MRAS: variants seen among roughly 807,000 people sequenced by gnomAD.
MRAS encodes ras-related protein M-Ras.
A neutral mutation model predicts 20.9 loss-of-function variants in MRAS; 4 were observed. That is an observed-to-expected ratio of 0.19 (90% CI 0.09 to 0.44). The LOEUF is 0.44. Among genes scored for constraint, MRAS ranks in the 20% least tolerant of loss-of-function variants. MRAS has a pLI of 0.99. For synonymous variants in MRAS, 98 were observed against 102.9 expected, an observed-to-expected ratio of 0.95 and a Z score of 0.29; for missense variants, 154 against 277.5, an observed-to-expected ratio of 0.56 and a Z score of 3.16.
chr3:138,396,807 GCC>G (rs2055245967), intron 2 of MRAS, among the ~76,000 whole-genome samples: 1 of 152,106 alleles, frequency 6.6e-6, no homozygotes, highest in Non-Finnish European at 1.5e-5. Flanking sequence ...TGCCCAGATG[GCC>G]TCTTCAGGGC....
At chr3:138,395,780 G>A (rs538237893) in intron 2 of MRAS, among the ~76,000 whole-genome samples, 5 of 152,316 alleles carry the variant, frequency 3.3e-5, no homozygotes, top group East Asian at 3.9e-4. Flanking sequence ...GGTCTCATTC[G>A]CCTTCTGTCC....
intron 1 of MRAS, among the ~76,000 whole-genome samples, chr3:138,361,422 G>T (rs954590660): frequency 6.6e-6 from 1 of 152,212 alleles, no homozygotes; most frequent in African/African-American, 2.4e-5. Context: ...TGCTCAGGCC[G>T]GGGGCAGACA....
At chr3:138,385,903 C>T (rs1481678159) in intron 2 of MRAS, among the ~76,000 whole-genome samples, 1 of 152,128 alleles carries the variant, frequency 6.6e-6, no homozygotes, top group African/African-American at 2.4e-5. Flanking sequence ...GATGAAGGAA[C>T]AACAGTTTTA....
intron 2 of MRAS, among the ~76,000 whole-genome samples, chr3:138,395,609 G>T (rs1290818230): frequency 6.6e-6 from 1 of 152,144 alleles, no homozygotes; most frequent in Non-Finnish European, 1.5e-5. Flanking sequence ...TTCTGATATT[G>T]GTCCTCCTTC....
At chr3:138,385,763 C>T (rs2054999242) in intron 2 of MRAS, among the ~76,000 whole-genome samples, 1 of 152,122 alleles carries the variant, frequency 6.6e-6, no homozygotes, top group Non-Finnish European at 1.5e-5. Flanking sequence ...AATCCACCTG[C>T]CTTGGCCTCC....
At chr3:138,395,745 G>T (rs2055223061) in intron 2 of MRAS, among the ~76,000 whole-genome samples, 1 of 152,180 alleles carries the variant, frequency 6.6e-6, no homozygotes, top group Admixed American at 6.5e-5. Context: ...CTTCTAGATG[G>T]TGAGTCCCAT....
intron 2 of MRAS, among the ~76,000 whole-genome samples, chr3:138,392,652 A>T (rs983938107): frequency 1.2e-4 from 19 of 152,016 alleles, no homozygotes; most frequent in African/African-American, 3.6e-4. Context: ...TGTTTTGTAG[A>T]TGCATTTCTT....
chr3:138,362,057 G>C (rs1277497243), intron 1 of MRAS, among the ~76,000 whole-genome samples: 3 of 152,212 alleles, frequency 2.0e-5, no homozygotes, highest in African/African-American at 4.8e-5. Context: ...GTTGTTGGTT[G>C]CTGGGCAGGG....
In MRAS at chr3:138,398,363, G is replaced by A. The variant is rs1288966890; in HGVS notation, c.348-106G>A. The A allele has an allele frequency of 6.9e-6, 6 of 866,648 alleles. No individual in the cohort carries two copies. In the East Asian group the frequency reaches 7.3e-5, roughly 11 times the overall value. The allele number at this position is 866,648 out of a possible 1,614,324, so 53.7% of individuals were successfully genotyped here. On this transcript the variant is annotated intron_variant, in intron 3 of 5. Transcript: ENST00000423968. ...GACTGCAGTCCAGGCTGACTGGGGA[G>A]GTGCTGTGGGCTGGCTGTGCTATGC... is the stretch of plus-strand genomic sequence containing the variant.
chr3:138,399,142 C>T (rs1483638466), intron 4 of MRAS, among the ~76,000 whole-genome samples: 2 of 152,222 alleles, frequency 1.3e-5, no homozygotes, highest in Non-Finnish European at 2.9e-5. Context: ...GAAAGTGTGC[C>T]CAGTTCAAAC....
Position 138,365,718 on chromosome 3 carries a change from A to G in MRAS, c.-18-7148A>G, listed in dbSNP as rs141580847. On this transcript the variant is annotated intron_variant, in intron 1 of 5. Coordinates refer to ENST00000423968, the MANE Select transcript of MRAS (RefSeq NM_001085049.3). The stretch of plus-strand genomic sequence containing the variant: ...ATATTTTGGAGGGAACCAGAAAGGT[A>G]GTAGTTAGATCTGGGGCAGCAAACA... Among the ~76,000 whole-genome samples, 486 of 152,340 alleles carry G rather than the reference A, an allele frequency of 3.2e-3. 6 individuals are homozygous for G. The highest frequency in any genetic ancestry group is 0.011 in the African/African-American group (460 of 41,570).
intron 2 of MRAS, among the ~76,000 whole-genome samples, chr3:138,383,933 T>C (rs1576371854): frequency 1.3e-5 from 2 of 152,292 alleles, no homozygotes; most frequent in Middle Eastern, 6.8e-3. Flanking sequence ...AAGGAGGGCT[T>C]TCCTGATAAG....
rs2055439637 is a variant in MRAS, at chr3:138,405,448, A to C, written c.*3179A>C. The C allele has an allele frequency of 2.0e-5, 3 of 152,720 alleles. No individual in the cohort carries two copies. Among genetic ancestry groups the C allele is most frequent in the Admixed American group, 2.0e-4 (3 of 15,288 alleles). 9.5% of individuals were successfully genotyped at this position (152,720 alleles called of 1,614,324 possible). On this transcript the variant is annotated 3_prime_UTR_variant, in exon 6 of 6. Coordinates refer to ENST00000423968, the MANE Select transcript of MRAS (RefSeq NM_001085049.3). Reference sequence around the variant, plus strand: ...ATTGTCGTGAAACGAGTGATGCCTGAAGATCTCAGTGATGTTTGAACCTTC... The same window carrying C: ...ATTGTCGTGAAACGAGTGATGCCTGCAGATCTCAGTGATGTTTGAACCTTC...
intron 1 of MRAS, among the ~76,000 whole-genome samples, chr3:138,354,937 T>C (rs967439873): frequency 1.3e-5 from 2 of 152,012 alleles, no homozygotes; most frequent in Non-Finnish European, 2.9e-5. Flanking sequence ...TGTGCCACCA[T>C]GCCCATCTAA....
chr3:138,351,661 G>A (rs535882361), intron 1 of MRAS, among the ~76,000 whole-genome samples: 2 of 152,176 alleles, frequency 1.3e-5, no homozygotes, highest in Non-Finnish European at 2.9e-5. Context: ...ATTAAGCAGA[G>A]CTCAGATCTC....
At chr3:138,381,898 A>G (rs1232585617) in intron 2 of MRAS, among the ~76,000 whole-genome samples, 1 of 152,206 alleles carries the variant, frequency 6.6e-6, no homozygotes, top group Non-Finnish European at 1.5e-5. Flanking sequence ...TTTGAAGGGC[A>G]GGGAGAGGAA....
intron 1 of MRAS, among the ~76,000 whole-genome samples, chr3:138,368,908 C>T (rs576362670): frequency 3.1e-4 from 47 of 151,972 alleles, no homozygotes; most frequent in African/African-American, 9.9e-4. Flanking sequence ...TGGGGGGGGC[C>T]GGAGAAACAT....
At chr3:138,353,413 G>A (rs2054268062) in intron 1 of MRAS, among the ~76,000 whole-genome samples, 1 of 152,128 alleles carries the variant, frequency 6.6e-6, no homozygotes. Flanking sequence ...CAGCCCATTA[G>A]GGGTGTGTCT....
intron 1 of MRAS, among the ~76,000 whole-genome samples, chr3:138,353,449 GAC>G (rs1482110352): frequency 1.3e-5 from 2 of 152,110 alleles, no homozygotes; most frequent in African/African-American, 4.8e-5. Context: ...CCCTTCTAGA[GAC>G]ACAGTGTCTC....
Sources: gnomAD v4.1 joint callset for allele counts (sites outside exome capture counted in the v4.1 genomes callset) on GRCh38, gnomAD v4.1.1 for gene constraint, MANE v1.5 for transcripts, NCBI Gene and HGNC (gene_info 2026-07-23, HGNC 2026-07-21) for gene names.